The following SLC12A7 variants were observed in gnomAD, a reference collection of about 807,000 sequenced individuals.
SLC12A7 encodes solute carrier family 12 member 7.
Under a neutral mutation model 120.6 loss-of-function variants are expected in SLC12A7, and 100 were observed. That is an observed-to-expected ratio of 0.83 (90% CI 0.71 to 0.98). The LOEUF is 0.98. SLC12A7 is among the 50% of genes least tolerant of loss of function. The pLI, the probability that SLC12A7 is intolerant of heterozygous loss-of-function variation, is 0.00. For missense variants in SLC12A7, 1,373 were observed against 1,548.1 expected (o/e 0.89, Z 1.90); for synonymous variants, 760 against 678.0 (o/e 1.12, Z -1.88).
At chr5:1,088,576 G>A (rs923850488) in intron 4 of SLC12A7, among the ~76,000 whole-genome samples, 5 of 152,106 alleles carry the variant, frequency 3.3e-5, no homozygotes, top group Non-Finnish European at 5.9e-5. Flanking sequence ...CTATGACAGC[G>A]ACCCCTGAAA....
Position 1,073,761 on chromosome 5 carries a change from C to G in SLC12A7, c.2113G>C (p.Ala705Pro). Reference protein sequence around the residue: ...LVMLNLDAEQAVKHPRLLSFT... With the variant: ...LVMLNLDAEQPVKHPRLLSFT... The stretch of plus-strand genomic sequence containing the variant: ...GACAGCAGGCGGGGGTGCTTCACGG[C>G]CTGCTCCGCGTCCAGGTTCAGCATC... Residue 705 changes from alanine (A) to proline (P), a missense_variant, in exon 17 of 24, where the codon GCC (alanine) becomes CCC (proline). Transcript: ENST00000264930. 6.6e-7 allele frequency: 1 copy of G among 1,522,100 alleles called. No individual in the cohort carries two copies. Among genetic ancestry groups the G allele is most frequent in the Non-Finnish European group, 8.8e-7 (1 of 1,130,116 alleles). The allele number at this position is 1,522,100 out of a possible 1,614,324, so 94.3% of individuals were successfully genotyped here. A position where few individuals can be genotyped will look rare whatever the true frequency, so the allele number is the denominator to read the frequency against.
At chr5:1,069,194 A>T (rs1386515099) in intron 17 of SLC12A7, among the ~76,000 whole-genome samples, 1 of 152,226 alleles carries the variant, frequency 6.6e-6, no homozygotes, top group Non-Finnish European at 1.5e-5. Flanking sequence ...ACAGCCTGAG[A>T]AGGTGGCCAT....
chr5:1,103,517 C>G (rs1009073867), intron 1 of SLC12A7, among the ~76,000 whole-genome samples: 2 of 152,228 alleles, frequency 1.3e-5, no homozygotes, highest in African/African-American at 4.8e-5. Context: ...GGAAGACACT[C>G]TCCATACCCA....
the SLC12A7 span, among the ~76,000 whole-genome samples, chr5:1,140,620 G>A: frequency 2.3e-3 from 346 of 152,346 alleles, 1 homozygote; most frequent in Middle Eastern, 0.02. Context: ...GGAGTTCCCC[G>A]TGCTCAGGAA....
rs532904300 is a variant in SLC12A7, at chr5:1,069,164, TG to T, written c.2242-3687del. The stretch of plus-strand genomic sequence containing the variant: ...GGCCCAGAGCATCTCCTGTCTTCCC[TG>T]GGAAGGCGAACCTGTGCAACAGCCT... On this transcript the variant is annotated intron_variant, in intron 17 of 23. Transcript: ENST00000264930. 4.2e-3 allele frequency among the ~76,000 whole-genome samples: 643 copies of T among 152,382 alleles called. 8 individuals are homozygous for T. Among genetic ancestry groups the T allele is most frequent in the South Asian group, 0.012 (56 of 4,830 alleles).
At chr5:1,154,255 CCTAT>C in the SLC12A7 span, among the ~76,000 whole-genome samples, 1 of 151,856 alleles carries the variant, frequency 6.6e-6, no homozygotes, top group African/African-American at 2.4e-5. Context: ...GTGTCCACAA[CCTAT>C]CTAGGGCACT....
the SLC12A7 span, among the ~76,000 whole-genome samples, chr5:1,117,814 G>A: frequency 1.3e-5 from 2 of 152,252 alleles, no homozygotes; most frequent in African/African-American, 4.8e-5. The surrounding 1 kb of genome is among the most constrained non-coding windows in gnomAD (Gnocchi z 4.5). Flanking sequence ...GCTCACGCCT[G>A]TAGTCCCAGC....
the SLC12A7 span, among the ~76,000 whole-genome samples, chr5:1,124,360 G>A: frequency 6.6e-6 from 1 of 152,240 alleles, no homozygotes; most frequent in Non-Finnish European, 1.5e-5. Flanking sequence ...TGAGGAAGTA[G>A]CTGCGTGCAG....
chr5:1,080,243 GAGC>G (rs1341267869), intron 9 of SLC12A7, among the ~76,000 whole-genome samples: 1 of 3,050 alleles, frequency 3.3e-4, no homozygotes, highest in Admixed American at 0.011. Context: ...GAGACACCAG[GAGC>G]CACGCAGAGG....
intron 1 of SLC12A7, among the ~76,000 whole-genome samples, chr5:1,097,971 T>A (rs1741440168): frequency 1.3e-5 from 2 of 151,956 alleles, no homozygotes; most frequent in Admixed American, 1.3e-4. Context: ...AACAGCCAGG[T>A]CAGACCTGAA....
At chr5:1,139,900 C>T in the SLC12A7 span, among the ~76,000 whole-genome samples, 4 of 152,318 alleles carry the variant, frequency 2.6e-5, no homozygotes, top group Non-Finnish European at 4.4e-5. Flanking sequence ...CTCCAAACGG[C>T]GTTTCCGGAT....
upstream of SLC12A7, among the ~76,000 whole-genome samples, chr5:1,114,978 C>T (rs1030412757): frequency 3.9e-5 from 6 of 152,192 alleles, no homozygotes; most frequent in Admixed American, 6.5e-5. Flanking sequence ...GGTGCCTCTC[C>T]CTCATTTGTC....
At position 1,060,385 on chromosome 5, in the gene SLC12A7, G is replaced by C. The variant is rs1297571442; in HGVS notation, c.2806C>G (p.Leu936Val). ...TTCTTGGACAGCTGCATCTGCTTCAGCATCTGCGACCTCTGCTCCATCATT... is the reference window on the plus strand; with the variant it reads ...TTCTTGGACAGCTGCATCTGCTTCACCATCTGCGACCTCTGCTCCATCATT... ...TLMMEQRSQM[L>V]KQMQLSKNEQ... Residue 936 changes from leucine (L) to valine (V), a missense_variant, in exon 21 of 24, where the codon CTG becomes GTG. Coordinates refer to ENST00000264930, the MANE Select transcript of SLC12A7 (RefSeq NM_006598.3). 6.2e-7 allele frequency: 1 copy of C among 1,613,770 alleles called. No homozygotes were observed. The highest frequency in any genetic ancestry group is 1.3e-5 in the African/African-American group (1 of 75,064).
At chr5:1,133,832 C>T in the SLC12A7 span, among the ~76,000 whole-genome samples, 8 of 152,184 alleles carry the variant, frequency 5.3e-5, 1 homozygote, top group African/African-American at 1.9e-4. Context: ...CCCAGGGGAG[C>T]CAAGTTATTT....
At chr5:1,094,392 ACT>A (rs1277512559) in intron 1 of SLC12A7, 144 bp from the exon 2 acceptor site, 7 of 664,846 alleles carry the variant, frequency 1.1e-5, no homozygotes, top group African/African-American at 1.8e-5. Flanking sequence ...CTTCTCACAC[ACT>A]CTCCTTCCTT....
At chr5:1,075,304 A>G in intron 15 of SLC12A7, 67 bp downstream of exon 15, 3 of 1,564,548 alleles carry the variant, frequency 1.9e-6, no homozygotes, top group South Asian at 1.2e-5. Flanking sequence ...GAGCTGCCCC[A>G]GGCATAGCAT....
rs1453280568 is a variant in SLC12A7 at position 1,053,455 on chromosome 5, G to A, written c.3054C>T (p.His1018=). The change falls in exon 23 of 24, where the codon CAC becomes CAT. Residue 1018 remains histidine, a synonymous_variant. Transcript: ENST00000264930. The stretch of plus-strand genomic sequence containing the variant: ...CGACGCCATTGAGCTTCACAGCCGT[G>A]TGCATCCGCCTGACGTTGGACTGGT... ...KPDQSNVRRM[H]TAVKLNGVVL... 5.6e-6 allele frequency: 9 copies of A among 1,613,694 alleles called. No homozygotes were observed. Among genetic ancestry groups the A allele is most frequent in the Non-Finnish European group, 7.6e-6 (9 of 1,180,006 alleles).
chr5:1,132,902 A>G, the SLC12A7 span, among the ~76,000 whole-genome samples: 1 of 152,218 alleles, frequency 6.6e-6, no homozygotes. Context: ...GTGTGACCCA[A>G]ATATTGCTTC....
chr5:1,133,457 G>T, the SLC12A7 span, among the ~76,000 whole-genome samples: 1 of 152,200 alleles, frequency 6.6e-6, no homozygotes, highest in African/African-American at 2.4e-5. Context: ...AGGGCTGGGT[G>T]AGGTGGGGGC....
Sources: allele counts gnomAD v4.1 joint callset (sites outside exome capture counted in the v4.1 genomes callset), GRCh38; gene constraint gnomAD v4.1.1; non-coding constraint Gnocchi (gnomAD v3.1); transcripts MANE v1.5; gene names NCBI Gene and HGNC (gene_info 2026-07-23, HGNC 2026-07-21).